Variants in OPTC observed in about 807,000 individuals in gnomAD.
OPTC encodes the protein opticin.
A neutral mutation model predicts 25.4 loss-of-function variants in OPTC; 22 were observed. The ratio of observed to expected loss-of-function variants is 0.87; its 90% CI spans 0.62 to 1.24. The LOEUF (loss-of-function observed/expected upper bound fraction) is 1.24. Among genes scored for constraint, OPTC ranks in the 50% most tolerant of loss-of-function variants. The pLI is 0.00. For synonymous variants in OPTC, 169 were observed against 179.3 expected, an observed-to-expected ratio of 0.94 and a Z score of 0.46; for missense variants, 417 against 425.2, an observed-to-expected ratio of 0.98 and a Z score of 0.17.
chr1:203,500,475 C>T (rs1471571747), intron 5 of OPTC, among the ~76,000 whole-genome samples: 1 of 149,754 alleles, frequency 6.7e-6, no homozygotes, highest in Non-Finnish European at 1.5e-5. Context: ...CCACCACCCA[C>T]CTGCACTACC....
At chr1:203,503,034 G>T in intron 6 of OPTC, 25 bp downstream of exon 6, 1 of 1,576,056 alleles carries the variant, frequency 6.3e-7, no homozygotes, top group Non-Finnish European at 8.7e-7. Flanking sequence ...CCAGAGCAAG[G>T]GTGATAAACA....
At position 203,497,226 on chromosome 1, in the gene OPTC, G is replaced by A. The variant is rs1661295658; in HGVS notation, c.370+111G>A. 7.8e-6 allele frequency: 9 copies of A among 1,151,950 alleles called. 1 individual carries two copies. The South Asian group carries it at 9.1e-5, about 12-fold the overall frequency. 71.4% of individuals were successfully genotyped at this position (1,151,950 alleles called of 1,614,324 possible). The stretch of plus-strand genomic sequence containing the variant: ...CGTGGTTGGGGTTGGGGCATGGAGG[G>A]TCAGGGCTACCCTTACTAGCAGGGA... On this transcript the variant is annotated intron_variant, in intron 3 of 7. Transcript: ENST00000367222.
chr1:203,503,764 C>A lies in OPTC; in HGVS notation c.*25+19C>A, dbSNP rs761109751. 2 of 1,587,652 alleles carry A rather than the reference C, an allele frequency of 1.3e-6. No homozygotes were observed. The highest frequency in any genetic ancestry group is 2.7e-5 in the African/African-American group (2 of 74,722). On this transcript the variant is annotated intron_variant, in intron 7 of 7. Coordinates refer to ENST00000367222, the MANE Select transcript of OPTC (RefSeq NM_014359.4). ...CTCCCAGGTAAGAACCCTCCAAGGA[C>A]CATGCAGGCATGGGCCTCCAGCCAT...
chr1:203,496,790 T>C, intron 2 of OPTC, among the ~76,000 whole-genome samples, 187 bp from the exon 3 acceptor site: 1 of 152,162 alleles, frequency 6.6e-6, no homozygotes, highest in East Asian at 1.9e-4. Flanking sequence ...ATCCATAGGA[T>C]GGACATGCTG....
Position 203,499,849 on chromosome 1 carries a change from A to G in OPTC, c.730A>G (p.Arg244Gly). 2 of 1,610,830 alleles carry G rather than the reference A, an allele frequency of 1.2e-6. No individual in the cohort carries two copies. The highest frequency in any genetic ancestry group is 2.2e-5 in the South Asian group (2 of 91,048). The part of the protein sequence containing the change: ...QSSGIQPAAF[R>G]AMEKLQFLYL... Reference sequence around the variant, plus strand: ...CTCGGGGATACAGCCTGCAGCCTTCAGGGTGAGTCAAGGCCTTAGATCCAC... The same window carrying G: ...CTCGGGGATACAGCCTGCAGCCTTCGGGGTGAGTCAAGGCCTTAGATCCAC... The change falls in exon 5 of 8, where the codon AGG (arginine) becomes GGG (glycine). Residue 244 changes from arginine (R) to glycine (G), a missense_variant and splice_region_variant. Transcript: ENST00000367222.
intron 5 of OPTC, among the ~76,000 whole-genome samples, chr1:203,501,907 T>C (rs189788694): frequency 6.6e-5 from 10 of 152,254 alleles, no homozygotes; most frequent in Non-Finnish European, 1.2e-4. Context: ...GCCAGCTGTC[T>C]CCATATTAGG....
In OPTC at chr1:203,503,024, C is replaced by CTG. The variant is rs1661416270; in HGVS notation, c.828+15_828+16insTG. 2 of 1,597,940 alleles carry CTG rather than the reference C, an allele frequency of 1.3e-6. No homozygotes were observed. Among genetic ancestry groups the CTG allele is most frequent in the East Asian group, 4.5e-5 (2 of 44,796 alleles). On this transcript the variant is annotated intron_variant, in intron 6 of 7. Transcript: ENST00000367222. ...TACACCTGCAGGTAAGGAGCACCAC[C>CTG]CAGAGCAAGGGTGATAAACAGCGTG... is the stretch of plus-strand genomic sequence containing the variant.
rs536005461 is a variant in OPTC, at chr1:203,505,556, C to T, written c.*25+1811C>T. Among the ~76,000 whole-genome samples the T allele has an allele frequency of 4.6e-5, 7 of 152,304 alleles. No homozygotes were observed. In the South Asian group the frequency reaches 8.3e-4, roughly 18 times the overall value. On this transcript the variant is annotated intron_variant, in intron 7 of 7. Transcript: ENST00000367222. ...TCACTGTGCACTTGGATCCTCACGG[C>T]GGTCCTGTAAACAGCCAAGTCAGAA...
chr1:203,507,388 G>A (rs1661511537), intron 7 of OPTC, among the ~76,000 whole-genome samples: 1 of 152,214 alleles, frequency 6.6e-6, no homozygotes, highest in African/African-American at 2.4e-5. Flanking sequence ...CAGCTAGCTT[G>A]AGGGCCTCAT....
At chr1:203,495,645 C>T (rs539994639) in intron 1 of OPTC, among the ~76,000 whole-genome samples, 104 of 152,304 alleles carry the variant, frequency 6.8e-4, no homozygotes, top group African/African-American at 2.2e-3. Context: ...TGTGCATGCA[C>T]CAGTGTGTGC....
chr1:203,505,940 C>G (rs1661474594), intron 7 of OPTC, among the ~76,000 whole-genome samples: 1 of 137,138 alleles, frequency 7.3e-6, no homozygotes, highest in Non-Finnish European at 1.6e-5. Flanking sequence ...GTGTGTCTCT[C>G]TCTCTCTCAG....
rs1238633720 is a variant in OPTC at position 203,503,702 on chromosome 1, C to T, written c.981C>T (p.Pro327=). 2 of 1,608,790 alleles carry T rather than the reference C, an allele frequency of 1.2e-6. No individual in the cohort carries two copies. Among genetic ancestry groups the T allele is most frequent in the East Asian group, 2.2e-5 (1 of 44,882 alleles). The change falls in exon 7 of 8, where the codon CCC becomes CCT. Residue 327 remains proline (P), a synonymous_variant. Coordinates refer to ENST00000367222, the MANE Select transcript of OPTC (RefSeq NM_014359.4). ...PSAYFCLPRL[P]IGRFT The stretch of plus-strand genomic sequence containing the variant: ...CCTACTTCTGCCTGCCTCGGCTCCC[C>T]ATCGGCCGCTTCACGTAGCTCGGAG...
Position 203,503,695 on chromosome 1 carries a change from G to C in OPTC, c.974G>C (p.Arg325Pro). The change falls in exon 7 of 8, where the codon CGG becomes CCG. Residue 325 changes from arginine to proline, a missense_variant. Coordinates refer to ENST00000367222, the MANE Select transcript of OPTC (RefSeq NM_014359.4). ...LFPSAYFCLP[R>P]LPIGRFT ...CCCAGCGCCTACTTCTGCCTGCCTCGGCTCCCCATCGGCCGCTTCACGTAG... is the reference window on the plus strand; with the variant it reads ...CCCAGCGCCTACTTCTGCCTGCCTCCGCTCCCCATCGGCCGCTTCACGTAG... The C allele has an allele frequency of 1.2e-6, 2 of 1,609,988 alleles. No individual in the cohort carries two copies. Among genetic ancestry groups the C allele is most frequent in the Non-Finnish European group, 1.7e-6 (2 of 1,179,990 alleles).
intron 3 of OPTC, 68 bp downstream of exon 3, chr1:203,497,183 G>T (rs1661294917): frequency 6.3e-7 from 1 of 1,577,704 alleles, no homozygotes. Flanking sequence ...CCCAGCACCA[G>T]GGGGTACCAA....
At chr1:203,499,513 C>T (rs532781616) in intron 4 of OPTC, 136 bp from the exon 5 acceptor site, 13 of 802,138 alleles carry the variant, frequency 1.6e-5, no homozygotes, top group Non-Finnish European at 2.4e-5. Flanking sequence ...TGGTTTGGGC[C>T]TAGTGCAGGT....
At chr1:203,503,154 T>A (rs1661418794) in intron 6 of OPTC, 145 bp downstream of exon 6, 1 of 710,078 alleles carries the variant, frequency 1.4e-6, no homozygotes, top group Non-Finnish European at 2.5e-6. Context: ...AGACAAGGAT[T>A]GGGAGGTCTT....
intron 5 of OPTC, among the ~76,000 whole-genome samples, chr1:203,500,161 C>G (rs141997762): frequency 0.017 from 11 of 646 alleles, no homozygotes; most frequent in Non-Finnish European, 0.017. Flanking sequence ...TCCACCTCCA[C>G]CACCCACCTC....
chr1:203,499,724 C>A lies in OPTC; in HGVS notation c.605C>A (p.Ala202Asp). 1 of 1,613,444 alleles carries A rather than the reference C, an allele frequency of 6.2e-7. No individual in the cohort carries two copies. The highest frequency in any genetic ancestry group is 8.5e-7 in the Non-Finnish European group (1 of 1,179,884). ...AATGATGCCTTCCGCCTGCTACATG[C>A]CCTCCAGGACCTCATCCTCCCAGAG... ...IDNDAFRLLHALQDLILPENQ... is the reference protein window; with the variant it reads ...IDNDAFRLLHDLQDLILPENQ... Residue 202 changes from alanine to aspartate, a missense_variant, in exon 5 of 8, where the codon GCC (alanine) becomes GAC (aspartate). Physicochemically the swap from Ala to Asp is moderately radical, Grantham distance 126. Coordinates refer to ENST00000367222, the MANE Select transcript of OPTC (RefSeq NM_014359.4).
intron 7 of OPTC, among the ~76,000 whole-genome samples, chr1:203,505,934 GTC>G (rs1041852822): frequency 2.1e-5 from 3 of 141,844 alleles, no homozygotes; most frequent in Admixed American, 7.0e-5. Flanking sequence ...CTCTGTGTGT[GTC>G]TCTCTCTCTC....
Sources: gnomAD v4.1 joint callset for allele counts (sites outside exome capture counted in the v4.1 genomes callset) on GRCh38, gnomAD v4.1.1 for gene constraint, MANE v1.5 for transcripts, NCBI Gene and HGNC (gene_info 2026-07-23, HGNC 2026-07-21) for gene names.